The following TRIM38 variants were observed in gnomAD, a reference collection of about 807,000 sequenced individuals.
TRIM38 encodes tripartite motif containing 38.
TRIM38 carries 35 observed loss-of-function variants against 35.8 expected under a neutral mutation model. The observed-to-expected ratio is 0.98, with a 90% confidence interval of 0.75 to 1.30. The LOEUF (loss-of-function observed/expected upper bound fraction) is 1.30, where lower values mean the gene tolerates loss of function less well. Among genes scored for constraint, TRIM38 ranks in the 50% most tolerant of loss-of-function variants. TRIM38 has a pLI of 0.00. For missense variants in TRIM38, 545 were observed against 556.9 expected (o/e 0.98, Z 0.21); for synonymous variants, 198 against 204.7 (o/e 0.97, Z 0.28).
intron 7 of TRIM38, 32 bp downstream of exon 7, chr6:25,973,317 G>A (rs1458676401): frequency 6.2e-7 from 1 of 1,604,996 alleles, no homozygotes; most frequent in Admixed American, 1.7e-5. Context: ...TGAATACTGT[G>A]GATAGAAGGG....
chr6:25,982,110 G>C (rs1452058163), intron 7 of TRIM38, among the ~76,000 whole-genome samples: 4 of 152,096 alleles, frequency 2.6e-5, no homozygotes, highest in Non-Finnish European at 4.4e-5. Flanking sequence ...AGGCTGCCCT[G>C]CCGCACCACA....
chr6:25,977,055 G>A (rs1760416222), intron 7 of TRIM38, among the ~76,000 whole-genome samples: 2 of 152,094 alleles, frequency 1.3e-5, no homozygotes, highest in African/African-American at 2.4e-5. Flanking sequence ...TTGATTTATG[G>A]GAACTTATTA....
Position 25,972,069 on chromosome 6 carries a change from A to AG in TRIM38, c.708_709insG (p.Cys237ValfsTer14). 1 of 1,614,196 alleles carries AG rather than the reference A, an allele frequency of 6.2e-7. No individual in the cohort carries two copies. Among genetic ancestry groups the AG allele is most frequent in the Non-Finnish European group, 8.5e-7 (1 of 1,180,020 alleles). ...GCCACATCCTGGAACTGGAGGAAAA[A>AG]TGTCAGGGCTCAGCCCAGAAATTGC... is the stretch of plus-strand genomic sequence containing the variant. On this transcript the variant is annotated frameshift_variant, in exon 5 of 8. Coordinates refer to ENST00000357085, the MANE Select transcript of TRIM38 (RefSeq NM_006355.5). LOFTEE classifies it high-confidence loss of function.
At position 25,989,607 on chromosome 6, in the gene TRIM38, G is replaced by C. The variant is rs1243202824; in HGVS notation, c.*5920G>C. The C allele has an allele frequency of 6.7e-6, 1 of 148,552 alleles. No homozygotes were observed. The highest frequency in any genetic ancestry group is 1.5e-5 in the Non-Finnish European group (1 of 67,690). 9.2% of individuals were successfully genotyped at this position (148,552 alleles called of 1,614,324 possible). ...GGCCTAAAATGATCCTCCTGCCTTG[G>C]CCTTCCAAAGTACTGGGATTACAGG... On this transcript the variant is annotated 3_prime_UTR_variant, in exon 8 of 8. Transcript: ENST00000357085.
chr6:25,972,210 G>T, intron 5 of TRIM38, 111 bp downstream of exon 5: 1 of 960,636 alleles, frequency 1.0e-6, no homozygotes, highest in South Asian at 1.6e-5. Context: ...ATGTACATCA[G>T]TGCCATCAGG....
At chr6:25,980,007 T>C (rs1162065263) in intron 7 of TRIM38, among the ~76,000 whole-genome samples, 1 of 152,222 alleles carries the variant, frequency 6.6e-6, no homozygotes, top group Non-Finnish European at 1.5e-5. Context: ...ATATTGAGGC[T>C]AGAGAAAATG....
chr6:25,990,029 C>A lies in TRIM38; in HGVS notation c.*6342C>A. On this transcript the variant is annotated 3_prime_UTR_variant, in exon 8 of 8. Transcript: ENST00000357085. Reference sequence around the variant, plus strand: ...CATCCTTTTTTTTTTTTTCTTTCTTCCTTTTTAGATACAGGGTCTCACTAT... The same window carrying A: ...CATCCTTTTTTTTTTTTTCTTTCTTACTTTTTAGATACAGGGTCTCACTAT... 7.3e-6 allele frequency: 1 copy of A among 136,184 alleles called. No homozygotes were observed. The highest frequency in any genetic ancestry group is 1.6e-5 in the Non-Finnish European group (1 of 62,276). 8.4% of individuals were successfully genotyped at this position (136,184 alleles called of 1,614,324 possible). A position where few individuals can be genotyped will look rare whatever the true frequency, so the allele number is the denominator to read the frequency against.
At position 25,989,464 on chromosome 6, in the gene TRIM38, A is replaced by G. The variant is rs1760791445; in HGVS notation, c.*5777A>G. ...AGCTAAATAAATTACAGTTTTTCAAATTTTGAATTAATTGATCTTTGCTAT... is the reference window on the plus strand; with the variant it reads ...AGCTAAATAAATTACAGTTTTTCAAGTTTTGAATTAATTGATCTTTGCTAT... On this transcript the variant is annotated 3_prime_UTR_variant, in exon 8 of 8. Coordinates refer to ENST00000357085, the MANE Select transcript of TRIM38 (RefSeq NM_006355.5). 6.7e-6 allele frequency: 1 copy of G among 149,458 alleles called. No homozygotes were observed. Among genetic ancestry groups the G allele is most frequent in the African/African-American group, 2.5e-5 (1 of 40,732 alleles). 9.3% of individuals were successfully genotyped at this position (149,458 alleles called of 1,614,324 possible). A position where few individuals can be genotyped will look rare whatever the true frequency, so the allele number is the denominator to read the frequency against.
chr6:25,967,312 A>G (rs1760088219), intron 3 of TRIM38, among the ~76,000 whole-genome samples: 1 of 152,148 alleles, frequency 6.6e-6, no homozygotes, highest in Admixed American at 6.5e-5. Context: ...ATCACCTTTT[A>G]GGTATCTACA....
intron 7 of TRIM38, among the ~76,000 whole-genome samples, chr6:25,981,782 G>A (rs1308959253): frequency 2.0e-5 from 3 of 152,172 alleles, no homozygotes; most frequent in African/African-American, 4.8e-5. Flanking sequence ...GATTCTCAAT[G>A]TTGGTGGTTA....
chr6:25,973,685 T>C (rs968011757), intron 7 of TRIM38: 1 of 985,440 alleles, frequency 1.0e-6, no homozygotes, highest in African/African-American at 1.7e-5. Context: ...GATCTGATCA[T>C]AGTGTTTATT....
In TRIM38 at chr6:25,983,640, C is replaced by G; in HGVS notation, c.1351C>G (p.Gln451Glu). 1 of 1,610,924 alleles carries G rather than the reference C, an allele frequency of 6.2e-7. No homozygotes were observed. Among genetic ancestry groups the G allele is most frequent in the Non-Finnish European group, 8.5e-7 (1 of 1,178,908 alleles). ...CTCTGATACTCTCCGGCCCTATTTC[C>G]AGGTTTATCAATATTCTCCTTTGTT... ...SFSDTLRPYF[Q>E]VYQYSPLFLP... Residue 451 changes from glutamine (Q) to glutamate (E), a missense_variant, in exon 8 of 8, where the codon CAG becomes GAG. Physicochemically the swap from Gln to Glu is conservative, Grantham distance 29. Transcript: ENST00000357085.
chr6:25,963,571 A>G (rs1156570708), intron 2 of TRIM38, among the ~76,000 whole-genome samples: 2 of 152,086 alleles, frequency 1.3e-5, no homozygotes, highest in African/African-American at 4.8e-5. Flanking sequence ...ATGTCTCTTG[A>G]GATAGGTCCT....
chr6:25,976,518 G>A (rs1017251257), intron 7 of TRIM38, among the ~76,000 whole-genome samples: 1 of 152,146 alleles, frequency 6.6e-6, no homozygotes, highest in Non-Finnish European at 1.5e-5. Context: ...CAGTCCTCTC[G>A]CCTCGGCCTT....
Position 25,990,042 on chromosome 6 carries a change from A to G in TRIM38, c.*6355A>G, listed in dbSNP as rs1328953810. 6.8e-6 allele frequency: 1 copy of G among 146,718 alleles called. No individual in the cohort carries two copies. The highest frequency in any genetic ancestry group is 2.5e-5 in the African/African-American group (1 of 39,700). 9.1% of individuals were successfully genotyped at this position (146,718 alleles called of 1,614,324 possible). On this transcript the variant is annotated 3_prime_UTR_variant, in exon 8 of 8. Coordinates refer to ENST00000357085, the MANE Select transcript of TRIM38 (RefSeq NM_006355.5). ...TTTTTCTTTCTTCCTTTTTAGATAC[A>G]GGGTCTCACTATGTTGCCCAGGCTG...
chr6:25,989,883 G>A lies in TRIM38; in HGVS notation c.*6196G>A, dbSNP rs905264400. The A allele has an allele frequency of 6.6e-6, 1 of 151,458 alleles. No homozygotes were observed. The highest frequency in any genetic ancestry group is 2.4e-5 in the African/African-American group (1 of 41,202). The allele number at this position is 151,458 out of a possible 1,614,324, so 9.4% of individuals were successfully genotyped here. A position where few individuals can be genotyped will look rare whatever the true frequency, so the allele number is the denominator to read the frequency against. On this transcript the variant is annotated 3_prime_UTR_variant, in exon 8 of 8. Transcript: ENST00000357085. ...TATTAGATAGTCAATATTTTTTGTT[G>A]GATATTTGATTTTTATTTCAGGCAA...
In TRIM38 at chr6:25,973,625, T is replaced by A. The variant is rs959271015; in HGVS notation, c.874+340T>A. 34 of 981,902 alleles carry A rather than the reference T, an allele frequency of 3.5e-5. No individual in the cohort carries two copies. In the African/African-American group the frequency reaches 5.8e-4, roughly 17 times the overall value. The allele number at this position is 981,902 out of a possible 1,614,324, so 60.8% of individuals were successfully genotyped here. A position where few individuals can be genotyped will look rare whatever the true frequency, so the allele number is the denominator to read the frequency against. The stretch of plus-strand genomic sequence containing the variant: ...ATTAAATGCATCAACATGTACAAAG[T>A]GCTTAGCCCTGTGACTGACACATGA... On this transcript the variant is annotated intron_variant, in intron 7 of 7. Coordinates refer to ENST00000357085, the MANE Select transcript of TRIM38 (RefSeq NM_006355.5).
In TRIM38 at chr6:25,990,788, A is replaced by G. The variant is rs2113638150; in HGVS notation, c.*7101A>G. 6.6e-6 allele frequency: 1 copy of G among 152,078 alleles called. No individual in the cohort carries two copies. Among genetic ancestry groups the G allele is most frequent in the South Asian group, 2.1e-4 (1 of 4,826 alleles). 9.4% of individuals were successfully genotyped at this position (152,078 alleles called of 1,614,324 possible). A position where few individuals can be genotyped will look rare whatever the true frequency, so the allele number is the denominator to read the frequency against. ...GTTATCCTTGTAACTCCTAATGTCT[A>G]TATAAAAGATTTTTATATTTTTTAA... On this transcript the variant is annotated 3_prime_UTR_variant, in exon 8 of 8. Coordinates refer to ENST00000357085, the MANE Select transcript of TRIM38 (RefSeq NM_006355.5).
At chr6:25,983,096 T>C (rs763933929) in intron 7 of TRIM38, 68 bp from the exon 8 acceptor site, 542 of 1,470,666 alleles carry the variant, frequency 3.7e-4, no homozygotes, top group Non-Finnish European at 4.7e-4. Flanking sequence ...CAAAATAAAA[T>C]AAAATAAAAT....
Sources: allele counts gnomAD v4.1 joint callset (sites outside exome capture counted in the v4.1 genomes callset), GRCh38; gene constraint gnomAD v4.1.1; transcripts MANE v1.5; gene names NCBI Gene and HGNC (gene_info 2026-07-23, HGNC 2026-07-21).